NCAM2: variants seen among roughly 807,000 people sequenced by gnomAD.
The protein encoded by NCAM2 is neural cell adhesion molecule 2.
Under a neutral mutation model 98.1 loss-of-function variants are expected in NCAM2, and 30 were observed. That is an observed-to-expected ratio of 0.31 (90% CI 0.23 to 0.41). The LOEUF (loss-of-function observed/expected upper bound fraction) is 0.41, where lower values mean the gene tolerates loss of function less well. Among genes scored for constraint, NCAM2 ranks in the 10% least tolerant of loss-of-function variants. NCAM2 has a pLI of 1.00. For missense variants in NCAM2, 867 were observed against 1,005.8 expected (o/e 0.86, Z 1.87); for synonymous variants, 368 against 342.4 (o/e 1.07, Z -0.83).
At chr21:21,193,666 T>C (rs925844573) in intron 1 of NCAM2, among the ~76,000 whole-genome samples, 1 of 151,948 alleles carries the variant, frequency 6.6e-6, no homozygotes, top group African/African-American at 2.4e-5. Flanking sequence ...TGGCTAATTT[T>C]TGTATTTTCA....
intron 9 of NCAM2, among the ~76,000 whole-genome samples, chr21:21,385,402 A>ACACACACG (rs1555885259): frequency 4.0e-4 from 60 of 151,328 alleles, no homozygotes; most frequent in African/African-American, 1.4e-3. Context: ...ACACACACGC[A>ACACACACG]CACACACATA....
At chr21:21,053,427 G>A (rs2065150708) in intron 1 of NCAM2, among the ~76,000 whole-genome samples, 1 of 151,830 alleles carries the variant, frequency 6.6e-6, no homozygotes, top group African/African-American at 2.4e-5. Context: ...GAAGCATGTG[G>A]ACCAGTTACC....
intron 8 of NCAM2, among the ~76,000 whole-genome samples, chr21:21,348,068 A>G (rs1170336646): frequency 6.6e-6 from 1 of 152,084 alleles, no homozygotes; most frequent in East Asian, 1.9e-4. Context: ...AAGGATGCCT[A>G]CTGTCACCAC....
chr21:21,506,235 T>C (rs1018387209), intron 15 of NCAM2, among the ~76,000 whole-genome samples: 3 of 150,296 alleles, frequency 2.0e-5, no homozygotes, highest in Non-Finnish European at 2.9e-5. Context: ...AATTGTATAT[T>C]TTTTTCCAAT....
chr21:21,048,390 TC>T (rs1568965461), intron 1 of NCAM2, among the ~76,000 whole-genome samples: 1 of 152,088 alleles, frequency 6.6e-6, no homozygotes, highest in Non-Finnish European at 1.5e-5. Context: ...TCTGGCTCTG[TC>T]ACCCAGACTG....
intron 1 of NCAM2, among the ~76,000 whole-genome samples, chr21:21,210,967 AACAC>A (rs71195310): frequency 0.017 from 2,168 of 127,246 alleles, 53 homozygotes; most frequent in Admixed American, 0.049. Flanking sequence ...ACTCTCCCCA[AACAC>A]ACACACACAC....
At chr21:21,288,161 T>C (rs895653898) in intron 4 of NCAM2, among the ~76,000 whole-genome samples, 1 of 151,738 alleles carries the variant, frequency 6.6e-6, no homozygotes, top group Non-Finnish European at 1.5e-5. Context: ...TGCTATACAG[T>C]ATTATTTGGG....
intron 1 of NCAM2, among the ~76,000 whole-genome samples, chr21:21,240,984 A>G (rs917840990): frequency 2.0e-5 from 3 of 152,160 alleles, no homozygotes; most frequent in Non-Finnish European, 4.4e-5. Context: ...GTATCATGTT[A>G]TAGTTAAAAT....
intron 8 of NCAM2, among the ~76,000 whole-genome samples, chr21:21,348,970 A>G (rs541247033): frequency 6.6e-6 from 1 of 152,296 alleles, no homozygotes; most frequent in South Asian, 2.1e-4. Flanking sequence ...TAAGACCTCA[A>G]CTTATGAATC....
intron 1 of NCAM2, among the ~76,000 whole-genome samples, chr21:21,050,575 G>A (rs1010404270): frequency 5.9e-5 from 9 of 152,052 alleles, no homozygotes; most frequent in Non-Finnish European, 8.8e-5. Context: ...TGTTTGTCCT[G>A]CCAGAATGGA....
intron 15 of NCAM2, among the ~76,000 whole-genome samples, chr21:21,478,479 G>C (rs956622088): frequency 4.6e-5 from 7 of 151,848 alleles, no homozygotes; most frequent in African/African-American, 1.7e-4. Context: ...TCAAATTGAT[G>C]TTAATTTCAC....
chr21:21,482,997 T>C (rs1443203455), intron 15 of NCAM2, among the ~76,000 whole-genome samples: 1 of 152,002 alleles, frequency 6.6e-6, no homozygotes, highest in Non-Finnish European at 1.5e-5. Context: ...AGCATGGCAT[T>C]TATTGATTTG....
In NCAM2 at chr21:21,249,261, A is replaced by G. The variant is rs542987164; in HGVS notation, c.56-31317A>G. ...GAAAATGATTAGAGTGATTATTTTC[A>G]CATTTCTCTCAAGCATGATCTTTAG... On this transcript the variant is annotated intron_variant, in intron 1 of 17. Coordinates refer to ENST00000400546, the MANE Select transcript of NCAM2 (RefSeq NM_004540.5). Among the ~76,000 whole-genome samples, 3 of 152,316 alleles carry G rather than the reference A, an allele frequency of 2.0e-5. No homozygotes were observed. In the East Asian group the frequency reaches 5.8e-4, roughly 29 times the overall value.
At chr21:21,509,721 C>T (rs183241980) in intron 16 of NCAM2, among the ~76,000 whole-genome samples, 94 of 152,166 alleles carry the variant, frequency 6.2e-4, no homozygotes, top group African/African-American at 2.2e-3. Flanking sequence ...AGGGAAATTA[C>T]AATGTTTTAA....
chr21:21,021,397 C>T (rs984335076), intron 1 of NCAM2, among the ~76,000 whole-genome samples: 1 of 152,126 alleles, frequency 6.6e-6, no homozygotes, highest in Non-Finnish European at 1.5e-5. Context: ...TTGCAGACCT[C>T]ATCAAGCAAT....
At chr21:21,307,047 TG>T (rs1272193779) in intron 5 of NCAM2, among the ~76,000 whole-genome samples, 1 of 107,470 alleles carries the variant, frequency 9.3e-6, no homozygotes, top group Admixed American at 1.1e-4. Context: ...AGTGGGTTTT[TG>T]TAGGATGTGT....
intron 10 of NCAM2, among the ~76,000 whole-genome samples, chr21:21,412,968 TAAC>T (rs1378313834): frequency 1.1e-4 from 16 of 152,278 alleles, no homozygotes; most frequent in Admixed American, 2.6e-4. Flanking sequence ...AGTTTACACT[TAAC>T]AAGTTGTCAG....
intron 8 of NCAM2, among the ~76,000 whole-genome samples, chr21:21,353,440 T>C (rs945749577): frequency 3.3e-5 from 5 of 152,206 alleles, no homozygotes; most frequent in Non-Finnish European, 7.3e-5. Context: ...CTTTTGGAAG[T>C]TGACAATGTC....
At chr21:21,277,895 C>A (rs1341842818) in intron 1 of NCAM2, among the ~76,000 whole-genome samples, 1 of 151,792 alleles carries the variant, frequency 6.6e-6, no homozygotes, top group Non-Finnish European at 1.5e-5. Flanking sequence ...AAAATGCATA[C>A]AAATAGTTTA....
Sources: allele counts gnomAD v4.1 joint callset (sites outside exome capture counted in the v4.1 genomes callset), GRCh38; gene constraint gnomAD v4.1.1; transcripts MANE v1.5; gene names NCBI Gene and HGNC (gene_info 2026-07-23, HGNC 2026-07-21).